Variants in KICS2 observed in about 807,000 individuals in gnomAD.
KICS2 encodes KICSTOR complex protein C12orf66.
KICS2 carries 13 observed loss-of-function variants against 31.4 expected under a neutral mutation model. The ratio of observed to expected loss-of-function variants is 0.41; its 90% confidence interval spans 0.27 to 0.66. KICS2 has a LOEUF of 0.66. KICS2 is among the 30% of genes least tolerant of loss of function. The pLI is 0.28. For synonymous variants in KICS2, 209 were observed against 214.8 expected (o/e 0.97, Z 0.24); for missense variants, 455 against 545.4 (o/e 0.83, Z 1.65).
chr12:64,198,803 A>G (rs1406695448), intron 2 of KICS2, among the ~76,000 whole-genome samples: 3 of 143,210 alleles, frequency 2.1e-5, no homozygotes, highest in African/African-American at 5.2e-5. Flanking sequence ...ACAAACTACC[A>G]TCAGAGAATA....
chr12:64,195,689 C>T (rs1419299830), intron 2 of KICS2, among the ~76,000 whole-genome samples: 2 of 152,250 alleles, frequency 1.3e-5, no homozygotes, highest in Admixed American at 6.5e-5. Flanking sequence ...ATCTGAGGTA[C>T]CGGGTTCATC....
chr12:64,212,852 G>A (rs556089741), intron 2 of KICS2, among the ~76,000 whole-genome samples: 7 of 152,238 alleles, frequency 4.6e-5, no homozygotes, highest in South Asian at 4.1e-4. Flanking sequence ...CACTTTGGGA[G>A]GCTGAGGTGG....
intron 1 of KICS2, among the ~76,000 whole-genome samples, chr12:64,220,093 T>A (rs1057263379): frequency 1.3e-5 from 2 of 152,216 alleles, no homozygotes; most frequent in Non-Finnish European, 2.9e-5. Context: ...AAATAAGTTA[T>A]GAAGCATTAA....
At position 64,194,516 on chromosome 12, in the gene KICS2, T is replaced by C; in HGVS notation, c.664A>G (p.Lys222Glu). ...AAGATCTGGCCCCACGTCTGCAGTT[T>C]GGTGTGCGCACTGTGTAAATTAACC... ...SLVNLHSAHT[K>E]LQTWGQIFEK... The change falls in exon 3 of 3, where the codon AAA becomes GAA. Residue 222 changes from lysine (K) to glutamate (E), a missense_variant. Lys to Glu is a moderately conservative substitution (Grantham distance 56). Coordinates refer to ENST00000398055, the MANE Select transcript of KICS2 (RefSeq NM_152440.5). 6.2e-7 allele frequency: 1 copy of C among 1,614,164 alleles called. No individual in the cohort carries two copies. The highest frequency in any genetic ancestry group is 8.5e-7 in the Non-Finnish European group (1 of 1,180,024).
chr12:64,207,676 C>T (rs2037551158), intron 2 of KICS2, among the ~76,000 whole-genome samples: 1 of 152,146 alleles, frequency 6.6e-6, no homozygotes, highest in South Asian at 2.1e-4. Context: ...TGGAGCAGAC[C>T]TAAGCCCAAA....
At chr12:64,212,227 T>C (rs895673120) in intron 2 of KICS2, among the ~76,000 whole-genome samples, 6 of 152,190 alleles carry the variant, frequency 3.9e-5, no homozygotes, top group South Asian at 4.1e-4. Flanking sequence ...ATTTGCAGAA[T>C]TGCGCAACCA....
At position 64,192,675 on chromosome 12, in the gene KICS2, A is replaced by G. The variant is rs1046006972; in HGVS notation, c.*1167T>C. On this transcript the variant is annotated 3_prime_UTR_variant, in exon 3 of 3. Coordinates refer to ENST00000398055, the MANE Select transcript of KICS2 (RefSeq NM_152440.5). ...GGCTTCTTTTTATTTTGAATCAATA[A>G]TCTAGAAGTGAAGGTCTCCACAGCC... 5.1e-6 allele frequency: 5 copies of G among 985,346 alleles called. No homozygotes were observed. The highest frequency in any genetic ancestry group is 1.1e-4 in the East Asian group (1 of 8,828). The allele number at this position is 985,346 out of a possible 1,614,324, so 61.0% of individuals were successfully genotyped here. A position where few individuals can be genotyped will look rare whatever the true frequency, so the allele number is the denominator to read the frequency against.
intron 2 of KICS2, among the ~76,000 whole-genome samples, chr12:64,213,087 CAAAAA>C (rs1235001391): frequency 2.9e-5 from 2 of 69,166 alleles, no homozygotes; most frequent in Admixed American, 1.6e-4. Context: ...GAGACAAACT[CAAAAA>C]AAAAAAAAAA....
intron 2 of KICS2, among the ~76,000 whole-genome samples, chr12:64,201,619 G>GAAAAA (rs142477212): frequency 8.5e-6 from 1 of 117,624 alleles, no homozygotes; most frequent in African/African-American, 3.3e-5. Flanking sequence ...AAAAAAAAAA[G>GAAAAA]AAAAAAAAAA....
intron 2 of KICS2, among the ~76,000 whole-genome samples, chr12:64,209,799 T>G (rs1008717402): frequency 6.6e-6 from 1 of 152,204 alleles, no homozygotes; most frequent in East Asian, 1.9e-4. Flanking sequence ...ACTCATTAAT[T>G]TTTTAATACA....
At chr12:64,211,592 C>T (rs1244978200) in intron 2 of KICS2, among the ~76,000 whole-genome samples, 1 of 152,142 alleles carries the variant, frequency 6.6e-6, no homozygotes, top group Non-Finnish European at 1.5e-5. Flanking sequence ...GCACTCCAGC[C>T]TGGGCAACAC....
downstream of KICS2, chr12:64,186,734 A>G (rs2037342305): frequency 6.6e-6 from 1 of 152,198 alleles, no homozygotes; most frequent in Admixed American, 6.5e-5. Context: ...CAGCCCTTTC[A>G]GCTCCTGGCC....
At chr12:64,214,567 G>A (rs1045198820) in intron 2 of KICS2, among the ~76,000 whole-genome samples, 4 of 151,964 alleles carry the variant, frequency 2.6e-5, no homozygotes, top group African/African-American at 4.8e-5. Flanking sequence ...AGTTGCTTTC[G>A]AAATCCTACC....
chr12:64,189,650 T>G (rs1158576364), downstream of KICS2, among the ~76,000 whole-genome samples: 2 of 151,806 alleles, frequency 1.3e-5, no homozygotes, highest in South Asian at 4.2e-4. Flanking sequence ...AATAAGTAAG[T>G]TAAAAATGAG....
chr12:64,194,348 T>C lies in KICS2; in HGVS notation c.832A>G (p.Ser278Gly), dbSNP rs2037411528. 6.2e-7 allele frequency: 1 copy of C among 1,614,222 alleles called. No individual in the cohort carries two copies. The highest frequency in any genetic ancestry group is 8.5e-7 in the Non-Finnish European group (1 of 1,180,040). ...ATTTCTGAAGCAGTCGTTTGTCGGC[T>C]CAGAGCCTCATGAAAGTAAAAGCTA... The part of the protein sequence containing the change: ...KFSFYFHEAL[S>G]RQTTASEMKT... Residue 278 changes from serine to glycine, a missense_variant, in exon 3 of 3, where the codon AGC becomes GGC. Ser to Gly is a moderately conservative substitution (Grantham distance 56). Coordinates refer to ENST00000398055, the MANE Select transcript of KICS2 (RefSeq NM_152440.5).
chr12:64,207,486 TCC>T (rs2037549775), intron 2 of KICS2, among the ~76,000 whole-genome samples: 4 of 152,076 alleles, frequency 2.6e-5, no homozygotes, highest in Admixed American at 2.6e-4. Flanking sequence ...ACTTTGCAGC[TCC>T]TTTCCTACCC....
chr12:64,195,103 G>A (rs889857418), intron 2 of KICS2, among the ~76,000 whole-genome samples: 16 of 152,096 alleles, frequency 1.1e-4, no homozygotes, highest in African/African-American at 3.9e-4. Flanking sequence ...TCCATTTTCT[G>A]TAGAGACAAG....
downstream of KICS2, among the ~76,000 whole-genome samples, chr12:64,189,994 G>A (rs968456737): frequency 6.6e-6 from 1 of 152,012 alleles, no homozygotes; most frequent in African/African-American, 2.4e-5. Flanking sequence ...CATAATATAG[G>A]AGAACTAAAA....
chr12:64,195,001 T>C lies in KICS2; in HGVS notation c.522-343A>G, dbSNP rs182257839. ...CTCTGTCACCCAGGCTGGAGTGCAATTGTACAATCATGGCTCACTGCAGCT... is the reference window on the plus strand; with the variant it reads ...CTCTGTCACCCAGGCTGGAGTGCAACTGTACAATCATGGCTCACTGCAGCT... On this transcript the variant is annotated intron_variant, in intron 2 of 2. Transcript: ENST00000398055. Among the ~76,000 whole-genome samples the C allele has an allele frequency of 2.6e-3, 398 of 151,844 alleles. 4 individuals carry two copies. The highest frequency in any genetic ancestry group is 8.4e-3 in the African/African-American group (349 of 41,386).
Sources: gnomAD v4.1 joint callset for allele counts (sites outside exome capture counted in the v4.1 genomes callset) on GRCh38, gnomAD v4.1.1 for gene constraint, MANE v1.5 for transcripts, NCBI Gene and HGNC (gene_info 2026-07-23, HGNC 2026-07-21) for gene names.